The following ASIP variants were observed in gnomAD, a reference collection of about 807,000 sequenced individuals.
ASIP encodes agouti signaling protein.
In ASIP, 11 loss-of-function variants were observed where a neutral mutation model predicts 10.3. The observed-to-expected ratio is 1.07, with a 90% CI of 0.68 to 1.78. The LOEUF is 1.78. Ranked by LOEUF, ASIP falls within the 40% of genes most tolerant of loss-of-function variation. The pLI is 0.00. For synonymous variants in ASIP, 70 were observed against 70.8 expected (o/e 0.99, Z 0.06); for missense variants, 180 against 169.2 (o/e 1.06, Z -0.35).
intron 1 of ASIP, among the ~76,000 whole-genome samples, chr20:34,199,377 G>A (rs990868087): frequency 1.3e-5 from 2 of 151,782 alleles, no homozygotes; most frequent in African/African-American, 2.4e-5. Context: ...TGTGTGTTCC[G>A]CTTTTACAGA....
At chr20:34,224,866 T>A (rs1440524505) in intron 1 of ASIP, among the ~76,000 whole-genome samples, 1 of 147,502 alleles carries the variant, frequency 6.8e-6, no homozygotes. Context: ...CTTTGAATTA[T>A]TTTAGTTCCC....
chr20:34,197,928 A>G (rs1356383962), intron 1 of ASIP, among the ~76,000 whole-genome samples: 1 of 151,620 alleles, frequency 6.6e-6, no homozygotes, highest in Non-Finnish European at 1.5e-5. Context: ...ACAAAGACTC[A>G]CCTCCTCTAC....
At chr20:34,259,582 C>CA (rs2035653442) in intron 1 of ASIP, among the ~76,000 whole-genome samples, 1 of 151,894 alleles carries the variant, frequency 6.6e-6, no homozygotes, top group Non-Finnish European at 1.5e-5. Flanking sequence ...CCTGTCTCTA[C>CA]AAAAAATACA....
intron 1 of ASIP, among the ~76,000 whole-genome samples, chr20:34,251,021 G>A (rs1037019601): frequency 1.3e-5 from 2 of 152,006 alleles, no homozygotes; most frequent in Admixed American, 6.6e-5. Flanking sequence ...ATGTGTGCAC[G>A]CACGTCAACA....
intron 1 of ASIP, among the ~76,000 whole-genome samples, chr20:34,222,973 C>A (rs1481892171): frequency 6.6e-6 from 1 of 152,008 alleles, no homozygotes; most frequent in African/African-American, 2.4e-5. Context: ...GATCTCGGCT[C>A]ACTACAACCT....
the ASIP span, among the ~76,000 whole-genome samples, chr20:34,188,249 T>C: frequency 6.6e-6 from 1 of 152,248 alleles, no homozygotes; most frequent in African/African-American, 2.4e-5. Context: ...TTGGCCAGTT[T>C]AGTTTTTTCA....
rs2034994941 is a variant in ASIP, at chr20:34,214,536, C to T, written c.-11+19776C>T. 3 of 1,505,448 alleles carry T rather than the reference C, an allele frequency of 2.0e-6. No homozygotes were observed. In the South Asian group the frequency reaches 3.4e-5, roughly 17 times the overall value. 93.3% of individuals were successfully genotyped at this position (1,505,448 alleles called of 1,614,324 possible). A position where few individuals can be genotyped will look rare whatever the true frequency, so the allele number is the denominator to read the frequency against. On this transcript the variant is annotated intron_variant, in intron 1 of 3. Transcript: ENST00000568305. Reference sequence around the variant, plus strand: ...GCAATCTTATTGCTACTTCAACTTCCATGAACCGTGTAGTCTGCCAATTCT... The same window carrying T: ...GCAATCTTATTGCTACTTCAACTTCTATGAACCGTGTAGTCTGCCAATTCT...
At chr20:34,253,231 G>C (rs555711926) in intron 1 of ASIP, among the ~76,000 whole-genome samples, 1 of 149,866 alleles carries the variant, frequency 6.7e-6, no homozygotes, top group South Asian at 2.1e-4. Flanking sequence ...TCAGCCTCCC[G>C]AGTAGCTGGG....
chr20:34,260,435 A>C lies in ASIP; in HGVS notation c.61A>C (p.Asn21His). The stretch of plus-strand genomic sequence containing the variant: ...GGTCTTCCTCTGCTTCTTCACTGCC[A>C]ACAGCCACCTGCCACCTGAGGAGAA... Reference protein sequence around the residue: ...LLVFLCFFTANSHLPPEEKLR... With the variant: ...LLVFLCFFTAHSHLPPEEKLR... Residue 21 changes from asparagine to histidine, a missense_variant, in exon 2 of 4, where the codon AAC becomes CAC. Coordinates refer to ENST00000374954, the MANE Select transcript of ASIP (RefSeq NM_001672.3). The C allele has an allele frequency of 6.2e-7, 1 of 1,614,108 alleles. No homozygotes were observed. The highest frequency in any genetic ancestry group is 8.5e-7 in the Non-Finnish European group (1 of 1,179,976).
At chr20:34,263,800 C>T (rs1299332546) in intron 3 of ASIP, among the ~76,000 whole-genome samples, 1 of 151,658 alleles carries the variant, frequency 6.6e-6, no homozygotes, top group Non-Finnish European at 1.5e-5. Context: ...TCCCGAGTAG[C>T]TGGAATTACA....
intron 2 of ASIP, 66 bp downstream of exon 2, chr20:34,260,600 A>T (rs1416612163): frequency 6.7e-7 from 1 of 1,498,542 alleles, no homozygotes; most frequent in African/African-American, 1.4e-5. Flanking sequence ...CATGCTTCCC[A>T]GGGTGCTACC....
chr20:34,215,123 G>A, intron 1 of ASIP: 1 of 1,579,094 alleles, frequency 6.3e-7, no homozygotes, highest in Non-Finnish European at 8.7e-7. Flanking sequence ...TTATCAACAG[G>A]GTCCATTCCT....
intron 1 of ASIP, 27 bp from the exon 2 acceptor site, chr20:34,260,338 C>T: frequency 6.3e-7 from 1 of 1,598,842 alleles, no homozygotes; most frequent in Non-Finnish European, 8.5e-7. Flanking sequence ...GACCCACCCA[C>T]CTGACCACCT....
At chr20:34,262,061 C>T (rs950988004) in intron 2 of ASIP, among the ~76,000 whole-genome samples, 4 of 151,350 alleles carry the variant, frequency 2.6e-5, no homozygotes, top group East Asian at 3.9e-4. Flanking sequence ...CACAGTGAGC[C>T]GAGATCGCAC....
Position 34,196,163 on chromosome 20 carries a change from A to G in ASIP, c.-11+1403A>G, listed in dbSNP as rs1242599160. Reference sequence around the variant, plus strand: ...ACCAGAGCCAGAACTCTCATTGAAAAGGGAGATTTCTTTTTTTTTTTTTTT... The same window carrying G: ...ACCAGAGCCAGAACTCTCATTGAAAGGGGAGATTTCTTTTTTTTTTTTTTT... On this transcript the variant is annotated intron_variant, in intron 1 of 3. Coordinates refer to the ASIP transcript ENST00000568305. Among the ~76,000 whole-genome samples, 14 of 147,582 alleles carry G rather than the reference A, an allele frequency of 9.5e-5. No homozygotes were observed. The East Asian group carries it at 2.0e-3, about 21-fold the overall frequency.
chr20:34,213,562 A>T, intron 1 of ASIP: 1 of 1,544,448 alleles, frequency 6.5e-7, no homozygotes, highest in Non-Finnish European at 8.8e-7. Flanking sequence ...TGCATGAAGC[A>T]GGGGCATGAA....
chr20:34,268,346 T>C (rs2035824274), intron 3 of ASIP, among the ~76,000 whole-genome samples: 1 of 152,052 alleles, frequency 6.6e-6, no homozygotes, highest in East Asian at 1.9e-4. Flanking sequence ...GCAGCGAAGT[T>C]AACAGGGGTC....
chr20:34,259,572 C>T lies in ASIP; in HGVS notation c.-10-793C>T, dbSNP rs142975053. Reference sequence around the variant, plus strand: ...CTTAGTCTGGCCAATGTGGTAAAATCCTGTCTCTACAAAAAATACAAAAAT... The same window carrying T: ...CTTAGTCTGGCCAATGTGGTAAAATTCTGTCTCTACAAAAAATACAAAAAT... On this transcript the variant is annotated intron_variant, in intron 1 of 3. Transcript: ENST00000374954. Among the ~76,000 whole-genome samples the T allele has an allele frequency of 3.3e-5, 5 of 151,974 alleles. No individual in the cohort carries two copies. The East Asian group carries it at 9.7e-4, about 29-fold the overall frequency.
chr20:34,240,414 C>G (rs746625264), upstream of ASIP, among the ~76,000 whole-genome samples: 3 of 152,168 alleles, frequency 2.0e-5, no homozygotes, highest in African/African-American at 7.2e-5. Context: ...GATCAGCTTT[C>G]ACATAACCTT....
Sources: allele counts gnomAD v4.1 joint callset (sites outside exome capture counted in the v4.1 genomes callset), GRCh38; gene constraint gnomAD v4.1.1; transcripts MANE v1.5; gene names NCBI Gene and HGNC (gene_info 2026-07-23, HGNC 2026-07-21).